RAB10: variants seen among roughly 807,000 people sequenced by gnomAD.
RAB10 encodes RAB10, member RAS oncogene family.
A neutral mutation model predicts 25.7 loss-of-function variants in RAB10; 5 were observed. That is an observed-to-expected ratio of 0.19 (90% CI 0.10 to 0.41). RAB10 has a LOEUF of 0.41. Among genes scored for constraint, RAB10 ranks in the 10% least tolerant of loss-of-function variants. The probability of loss-of-function intolerance (pLI) is 1.00; values close to 1 mark genes in which losing one functional copy is unlikely to be tolerated. For missense variants in RAB10, 103 were observed against 245.8 expected, an observed-to-expected ratio of 0.42 and a Z score of 3.89; for synonymous variants, 89 against 86.4, an observed-to-expected ratio of 1.03 and a Z score of -0.16.
chr2:26,042,445 G>T (rs187962308), intron 1 of RAB10, among the ~76,000 whole-genome samples: 1 of 152,174 alleles, frequency 6.6e-6, no homozygotes, highest in Non-Finnish European at 1.5e-5. Context: ...AGACCAGCCT[G>T]GGCAACTTAG....
In RAB10 at chr2:26,037,639, CA is replaced by C. The variant is rs557970319; in HGVS notation, c.127+2918del. Reference sequence around the variant, plus strand: ...GGGCAACAAGAGTGAAACTCTGTCTCAAAAAAAAAAAAAAGTGTCAATCATA... The same window carrying C: ...GGGCAACAAGAGTGAAACTCTGTCTCAAAAAAAAAAAAAGTGTCAATCATA... On this transcript the variant is annotated intron_variant, in intron 1 of 5. Coordinates refer to ENST00000264710, the MANE Select transcript of RAB10 (RefSeq NM_016131.5). Among the ~76,000 whole-genome samples the C allele has an allele frequency of 8.1e-3, 1,071 of 132,804 alleles. 7 individuals are homozygous for C. Among genetic ancestry groups the C allele is most frequent in the African/African-American group, 0.021 (758 of 36,102 alleles). The allele number at this position is 132,804 out of a possible 152,430, so 87.1% of individuals were successfully genotyped here. A position where few individuals can be genotyped will look rare whatever the true frequency, so the allele number is the denominator to read the frequency against.
At chr2:26,127,122 G>A (rs774253793) in intron 3 of RAB10, 22 bp from the exon 4 acceptor site, 1 of 1,559,434 alleles carries the variant, frequency 6.4e-7, no homozygotes, top group Admixed American at 1.9e-5. Flanking sequence ...GTATGTAAAA[G>A]TAAAATTTTA....
At chr2:26,044,864 C>G (rs1665963895) in intron 1 of RAB10, among the ~76,000 whole-genome samples, 1 of 151,994 alleles carries the variant, frequency 6.6e-6, no homozygotes, top group African/African-American at 2.4e-5. Context: ...TTATTAGAAT[C>G]CACAGCCAAT....
chr2:26,093,569 C>T (rs903632541), intron 1 of RAB10, among the ~76,000 whole-genome samples: 2 of 152,064 alleles, frequency 1.3e-5, no homozygotes, highest in Non-Finnish European at 2.9e-5. Context: ...GCATAGATAC[C>T]TCTTTTGTGT....
intron 1 of RAB10, among the ~76,000 whole-genome samples, chr2:26,062,411 C>T (rs1296581558): frequency 6.6e-6 from 1 of 152,154 alleles, no homozygotes; most frequent in East Asian, 1.9e-4. Context: ...GGCATGGTGG[C>T]TCATGCCTGT....
intron 1 of RAB10, among the ~76,000 whole-genome samples, chr2:26,068,759 G>T (rs1206982962): frequency 6.6e-6 from 1 of 152,186 alleles, no homozygotes; most frequent in East Asian, 1.9e-4. Context: ...TAACATATGG[G>T]CTGAGTCTTG....
chr2:26,051,537 G>A (rs916048679), intron 1 of RAB10, among the ~76,000 whole-genome samples: 5 of 151,084 alleles, frequency 3.3e-5, no homozygotes, highest in African/African-American at 1.2e-4. Context: ...CACGAACGAG[G>A]TCAAGAGATC....
chr2:26,105,832 T>C lies in RAB10; in HGVS notation c.189-3936T>C, dbSNP rs554199736. Among the ~76,000 whole-genome samples the C allele has an allele frequency of 5.3e-5, 8 of 152,334 alleles. No homozygotes were observed. The South Asian group carries it at 8.3e-4, about 16-fold the overall frequency. The stretch of plus-strand genomic sequence containing the variant: ...GTTTTGACATATTTAGATACACAAA[T>C]ACTTATTGTGTTATAGTTGTCTACT... On this transcript the variant is annotated intron_variant, in intron 2 of 5. Coordinates refer to ENST00000264710, the MANE Select transcript of RAB10 (RefSeq NM_016131.5).
At chr2:26,073,751 A>G (rs555062330) in intron 1 of RAB10, among the ~76,000 whole-genome samples, 4 of 152,364 alleles carry the variant, frequency 2.6e-5, no homozygotes, top group African/African-American at 9.6e-5. Flanking sequence ...TCTGGTTGCC[A>G]TATTACACTG....
chr2:26,047,878 C>T (rs1266424297), intron 1 of RAB10, among the ~76,000 whole-genome samples: 2 of 152,016 alleles, frequency 1.3e-5, no homozygotes, highest in African/African-American at 2.4e-5. Context: ...CATGCACCAC[C>T]ACACCCAGCT....
At chr2:26,133,992 A>G (rs960710542) in intron 5 of RAB10, among the ~76,000 whole-genome samples, 2 of 152,090 alleles carry the variant, frequency 1.3e-5, no homozygotes, top group Admixed American at 1.3e-4. Flanking sequence ...TTTCAAAGTA[A>G]TATTTAGTGT....
At chr2:26,081,570 G>T (rs189849889) in intron 1 of RAB10, among the ~76,000 whole-genome samples, 1 of 152,134 alleles carries the variant, frequency 6.6e-6, no homozygotes, top group African/African-American at 2.4e-5. Context: ...TAAATCTGGC[G>T]AATTAGGTTT....
At position 26,066,616 on chromosome 2, in the gene RAB10, A is replaced by G. The variant is rs180694679; in HGVS notation, c.127+31881A>G. 1.0e-3 allele frequency among the ~76,000 whole-genome samples: 157 copies of G among 152,186 alleles called. 1 individual carries two copies. Among genetic ancestry groups the G allele is most frequent in the African/African-American group, 3.6e-3 (148 of 41,518 alleles). ...GAGGAGCGAAGCCCCTTACAAAACC[A>G]TCAGATCTTGTGAGAACTCGCTATC... On this transcript the variant is annotated intron_variant, in intron 1 of 5. Transcript: ENST00000264710.
intron 1 of RAB10, among the ~76,000 whole-genome samples, chr2:26,085,332 T>TA (rs1253973153): frequency 3.3e-5 from 5 of 150,694 alleles, no homozygotes; most frequent in Non-Finnish European, 5.9e-5. Flanking sequence ...CTACTAAAAA[T>TA]AAAAAAAATT....
intron 1 of RAB10, among the ~76,000 whole-genome samples, chr2:26,037,229 T>C (rs1030920386): frequency 6.6e-6 from 1 of 152,204 alleles, no homozygotes; most frequent in African/African-American, 2.4e-5. Context: ...GCCCTTTTAC[T>C]TGGGAAGATG....
intron 2 of RAB10, among the ~76,000 whole-genome samples, chr2:26,107,605 G>C (rs1667492062): frequency 6.6e-6 from 1 of 152,118 alleles, no homozygotes; most frequent in African/African-American, 2.4e-5. Flanking sequence ...AGACGAGCCT[G>C]GCCAACATGG....
rs184235350 is a variant in RAB10 at position 26,133,710 on chromosome 2, G to A, written c.520-1228G>A. Reference sequence around the variant, plus strand: ...ATTTTTTGAGATGGAGTCTCACTCCGTCGCCCAGGCTGGAGTGCTGTGGCG... The same window carrying A: ...ATTTTTTGAGATGGAGTCTCACTCCATCGCCCAGGCTGGAGTGCTGTGGCG... On this transcript the variant is annotated intron_variant, in intron 5 of 5. Transcript: ENST00000264710. 2.1e-4 allele frequency among the ~76,000 whole-genome samples: 32 copies of A among 151,122 alleles called. No individual in the cohort carries two copies. The East Asian group carries it at 5.1e-3, about 24-fold the overall frequency.
chr2:26,074,575 C>T (rs1293873469), intron 1 of RAB10, among the ~76,000 whole-genome samples: 2 of 152,154 alleles, frequency 1.3e-5, no homozygotes, highest in Non-Finnish European at 2.9e-5. Flanking sequence ...TCTGCCACCA[C>T]GCCCAGCTAA....
At chr2:26,122,151 G>C (rs1667817601) in intron 3 of RAB10, among the ~76,000 whole-genome samples, 1 of 152,212 alleles carries the variant, frequency 6.6e-6, no homozygotes, top group Admixed American at 6.5e-5. Flanking sequence ...GTCTGCAGCT[G>C]TGGTTGCCCG....
Sources: gnomAD v4.1 joint callset for allele counts (sites outside exome capture counted in the v4.1 genomes callset) on GRCh38, gnomAD v4.1.1 for gene constraint, MANE v1.5 for transcripts, NCBI Gene and HGNC (gene_info 2026-07-23, HGNC 2026-07-21) for gene names.